The following COL13A1 variants were observed in gnomAD, a reference collection of about 807,000 sequenced individuals.
The protein encoded by COL13A1 is collagen type XIII alpha 1 chain.
Under a neutral mutation model 130.9 loss-of-function variants are expected in COL13A1, and 89 were observed. The observed-to-expected ratio is 0.68, with a 90% CI of 0.57 to 0.81. COL13A1 has a LOEUF of 0.81. Among genes scored for constraint, COL13A1 ranks in the 30% least tolerant of loss-of-function variants. The pLI is 0.00. For synonymous variants in COL13A1, 402 were observed against 341.6 expected, an observed-to-expected ratio of 1.18 and a Z score of -1.95; for missense variants, 879 against 934.6, an observed-to-expected ratio of 0.94 and a Z score of 0.78.
chr10:69,895,385 G>A (rs780789189), intron 12 of COL13A1, among the ~76,000 whole-genome samples, 165 bp from the exon 13 acceptor site: 5 of 152,208 alleles, frequency 3.3e-5, no homozygotes, highest in Admixed American at 3.3e-4. Context: ...AGGGGCAAGG[G>A]AGGGACTTAG....
intron 2 of COL13A1, among the ~76,000 whole-genome samples, chr10:69,865,620 C>T (rs1015681656): frequency 6.6e-6 from 1 of 152,206 alleles, no homozygotes; most frequent in Non-Finnish European, 1.5e-5. Context: ...AGAGGATTTT[C>T]CTGTTTCTGA....
At chr10:69,950,931 C>G (rs2069443188) in intron 38 of COL13A1, among the ~76,000 whole-genome samples, 1 of 152,310 alleles carries the variant, frequency 6.6e-6, no homozygotes, top group African/African-American at 2.4e-5. Context: ...TCACTGCAAC[C>G]TCTGCCTCCT....
At chr10:69,855,959 T>G (rs1278459521) in intron 2 of COL13A1, among the ~76,000 whole-genome samples, 1 of 152,238 alleles carries the variant, frequency 6.6e-6, no homozygotes, top group Non-Finnish European at 1.5e-5. Context: ...ATCCATTCAT[T>G]TAATTACTCA....
chr10:69,856,904 G>A lies in COL13A1; in HGVS notation c.365-10894G>A, dbSNP rs115533174. ...CAGATTGTTATCAAAATAGAGCTGAGGGGTCAGAGCCAGCAAAGTGCAACG... is the reference window on the plus strand; with the variant it reads ...CAGATTGTTATCAAAATAGAGCTGAAGGGTCAGAGCCAGCAAAGTGCAACG... On this transcript the variant is annotated intron_variant, in intron 2 of 40. Coordinates refer to ENST00000645393, the MANE Select transcript of COL13A1 (RefSeq NM_001368882.1). 4.7e-3 allele frequency among the ~76,000 whole-genome samples: 718 copies of A among 152,274 alleles called. 7 individuals carry two copies. The highest frequency in any genetic ancestry group is 0.016 in the African/African-American group (668 of 41,556).
intron 23 of COL13A1, 119 bp downstream of exon 23, chr10:69,922,913 G>T (rs958910915): frequency 3.2e-6 from 2 of 629,406 alleles, no homozygotes; most frequent in African/African-American, 3.8e-5. Flanking sequence ...CCCTGCTCCA[G>T]ATGTGTGGTT....
intron 18 of COL13A1, among the ~76,000 whole-genome samples, 170 bp from the exon 19 acceptor site, chr10:69,918,115 C>T (rs1223108462): frequency 2.0e-5 from 3 of 152,192 alleles, no homozygotes; most frequent in East Asian, 3.9e-4. Flanking sequence ...ATTCTCGTGG[C>T]GTCAGCTCAG....
At chr10:69,845,252 G>A (rs551772190) in intron 2 of COL13A1, among the ~76,000 whole-genome samples, 1 of 150,392 alleles carries the variant, frequency 6.6e-6, no homozygotes, top group South Asian at 2.1e-4. Flanking sequence ...GAGTGCAGTG[G>A]CGTGATCTCC....
chr10:69,828,002 A>T (rs889440050), intron 2 of COL13A1, among the ~76,000 whole-genome samples: 3 of 152,224 alleles, frequency 2.0e-5, no homozygotes, highest in African/African-American at 7.2e-5. Flanking sequence ...CTATCAATGA[A>T]GAAAAGATTC....
At chr10:69,805,414 T>G (rs1841295310) in intron 1 of COL13A1, among the ~76,000 whole-genome samples, 1 of 152,082 alleles carries the variant, frequency 6.6e-6, no homozygotes, top group Non-Finnish European at 1.5e-5. Context: ...GTGGATGGCG[T>G]GAGTGGCCTT....
intron 1 of COL13A1, among the ~76,000 whole-genome samples, chr10:69,821,076 G>C (rs967867984): frequency 6.6e-6 from 1 of 152,186 alleles, no homozygotes; most frequent in East Asian, 1.9e-4. Context: ...ATCCTAACTC[G>C]TCAACCTTGT....
intron 1 of COL13A1, among the ~76,000 whole-genome samples, chr10:69,807,502 A>G (rs1841903446): frequency 6.6e-6 from 1 of 152,224 alleles, no homozygotes; most frequent in East Asian, 1.9e-4. Context: ...TTTGCCATTG[A>G]AAGTAATGGC....
At chr10:69,858,598 A>C (rs1188786013) in intron 2 of COL13A1, among the ~76,000 whole-genome samples, 2 of 152,188 alleles carry the variant, frequency 1.3e-5, no homozygotes, top group Admixed American at 6.5e-5. Flanking sequence ...TAAGATGGGC[A>C]GTGTCTGGAT....
intron 17 of COL13A1, among the ~76,000 whole-genome samples, chr10:69,916,112 G>C (rs1462079859): frequency 6.6e-6 from 1 of 152,194 alleles, no homozygotes; most frequent in African/African-American, 2.4e-5. Flanking sequence ...GTAAGGAGAA[G>C]GATGGACGAG....
At chr10:69,919,469 T>A (rs2064348370) in intron 20 of COL13A1, among the ~76,000 whole-genome samples, 196 bp from the exon 21 acceptor site, 2 of 152,256 alleles carry the variant, frequency 1.3e-5, no homozygotes, top group Non-Finnish European at 2.9e-5. Flanking sequence ...ATTTGCTAAA[T>A]GTGCATTGAG....
chr10:69,910,009 C>T (rs2063189510), intron 17 of COL13A1, among the ~76,000 whole-genome samples: 1 of 152,228 alleles, frequency 6.6e-6, no homozygotes, highest in Non-Finnish European at 1.5e-5. Flanking sequence ...TCTTTGCACC[C>T]TGGTGCAGAA....
chr10:69,906,164 T>C (rs185955611), intron 17 of COL13A1, among the ~76,000 whole-genome samples: 4 of 152,064 alleles, frequency 2.6e-5, no homozygotes, highest in Admixed American at 2.0e-4. Context: ...TTACAGGAGG[T>C]GGAGAGACAA....
chr10:69,878,406 C>T (rs1208729074), intron 6 of COL13A1, among the ~76,000 whole-genome samples: 2 of 152,216 alleles, frequency 1.3e-5, no homozygotes, highest in South Asian at 2.1e-4. Context: ...AATAGAGCCC[C>T]CCTGGGAAGT....
intron 31 of COL13A1, among the ~76,000 whole-genome samples, chr10:69,934,022 C>T (rs2066502254): frequency 6.6e-6 from 1 of 152,060 alleles, no homozygotes; most frequent in Admixed American, 6.5e-5. Context: ...TATATGAAAT[C>T]ATAAGCATAT....
rs147006096 is a variant in COL13A1, at chr10:69,946,992, G to A, written c.2023-315G>A. 9.6e-4 allele frequency among the ~76,000 whole-genome samples: 146 copies of A among 152,180 alleles called. No individual in the cohort carries two copies. In the East Asian group the frequency reaches 0.015, roughly 16 times the overall value. ...TTTCATAGAGACGGGCTTTCACCTC[G>A]TTGGCCAGGATGGTTTCGATCTCTG... On this transcript the variant is annotated intron_variant, in intron 37 of 40. Coordinates refer to ENST00000645393, the MANE Select transcript of COL13A1 (RefSeq NM_001368882.1).
Sources: allele counts gnomAD v4.1 joint callset (sites outside exome capture counted in the v4.1 genomes callset), GRCh38; gene constraint gnomAD v4.1.1; transcripts MANE v1.5; gene names NCBI Gene and HGNC (gene_info 2026-07-23, HGNC 2026-07-21).